SPATA9: variants seen among roughly 807,000 people sequenced by gnomAD.
SPATA9 encodes spermatogenesis-associated protein 9.
A neutral mutation model predicts 25.5 loss-of-function variants in SPATA9; 27 were observed. The ratio of observed to expected loss-of-function variants is 1.06; its 90% CI spans 0.78 to 1.46. The LOEUF is 1.46. SPATA9 is among the 40% of genes most tolerant of loss of function. SPATA9 has a pLI of 0.00. For synonymous variants in SPATA9, 102 were observed against 105.7 expected (o/e 0.97, Z 0.21); for missense variants, 282 against 297.5 (o/e 0.95, Z 0.38).
upstream of SPATA9, among the ~76,000 whole-genome samples, chr5:95,701,729 A>G (rs1412839899): frequency 1.3e-5 from 2 of 152,106 alleles, no homozygotes; most frequent in Admixed American, 1.3e-4. Flanking sequence ...AATCCCTATA[A>G]GTAAGATCAG....
At chr5:95,732,039 T>G in the SPATA9 span, 1 of 1,614,110 alleles carries the variant, frequency 6.2e-7, no homozygotes, top group Non-Finnish European at 8.5e-7. Flanking sequence ...ATCAGGCCAG[T>G]GCGTTTGGGA....
At chr5:95,730,838 A>G in the SPATA9 span, 1 of 452,034 alleles carries the variant, frequency 2.2e-6, no homozygotes. Flanking sequence ...TTTTCTCACA[A>G]GTATGATTTT....
chr5:95,675,368 G>T (rs1395849418), intron 3 of SPATA9, 44 bp downstream of exon 3: 1 of 1,517,694 alleles, frequency 6.6e-7, no homozygotes, highest in Non-Finnish European at 8.9e-7. Context: ...AAATTTAAAA[G>T]TTTCTTAAAA....
chr5:95,668,060 C>G (rs1045753492), intron 3 of SPATA9, among the ~76,000 whole-genome samples: 2 of 152,168 alleles, frequency 1.3e-5, no homozygotes, highest in Non-Finnish European at 2.9e-5. Context: ...GCCTACAGAA[C>G]CATGAGCCAA....
At chr5:95,694,079 G>A (rs964153975) in intron 1 of SPATA9, among the ~76,000 whole-genome samples, 1 of 152,054 alleles carries the variant, frequency 6.6e-6, no homozygotes, top group Non-Finnish European at 1.5e-5. Context: ...AGGAACACTT[G>A]AGCCCAGGAG....
At chr5:95,727,472 A>G in the SPATA9 span, among the ~76,000 whole-genome samples, 1 of 152,212 alleles carries the variant, frequency 6.6e-6, no homozygotes, top group Admixed American at 6.5e-5. Context: ...ACTTTATGCT[A>G]CATCTTATTT....
chr5:95,711,232 G>C, the SPATA9 span, among the ~76,000 whole-genome samples: 1 of 152,148 alleles, frequency 6.6e-6, no homozygotes, highest in South Asian at 2.1e-4. Context: ...TTCTCAAGGA[G>C]GTCTCTAGCT....
chr5:95,690,154 AACCTAC>A (rs1327768933), intron 1 of SPATA9, among the ~76,000 whole-genome samples: 1 of 152,180 alleles, frequency 6.6e-6, no homozygotes, highest in Non-Finnish European at 1.5e-5. Context: ...CTATATAGCA[AACCTAC>A]ACATGAACTG....
At chr5:95,675,323 ATCAAGT>A in intron 3 of SPATA9, 83 bp downstream of exon 3, 1 of 1,076,622 alleles carries the variant, frequency 9.3e-7, no homozygotes, top group Non-Finnish European at 1.3e-6. Context: ...ACACTGGACA[ATCAAGT>A]TCACCACATT....
At chr5:95,652,400 C>T (rs1750395493), downstream of SPATA9, 1 of 1,518,644 alleles carries the variant, frequency 6.6e-7, no homozygotes, top group African/African-American at 1.4e-5. Context: ...CGACTTTAGT[C>T]TCATATATCT....
chr5:95,695,206 G>A (rs922079811), intron 1 of SPATA9, among the ~76,000 whole-genome samples: 1 of 152,102 alleles, frequency 6.6e-6, no homozygotes, highest in East Asian at 1.9e-4. Context: ...ATAAAAGTAA[G>A]GCACATATTA....
At chr5:95,726,802 T>G in the SPATA9 span, among the ~76,000 whole-genome samples, 2 of 152,200 alleles carry the variant, frequency 1.3e-5, no homozygotes, top group Admixed American at 6.5e-5. Flanking sequence ...TGGCAATATA[T>G]TGAAAGTGAA....
At chr5:95,668,308 A>C (rs918070562) in intron 3 of SPATA9, among the ~76,000 whole-genome samples, 2 of 152,214 alleles carry the variant, frequency 1.3e-5, no homozygotes, top group Non-Finnish European at 2.9e-5. Context: ...TAAGGGTCAT[A>C]TTTAAATATT....
In SPATA9 at chr5:95,675,423, A is replaced by G. The variant is rs565088049; in HGVS notation, c.367T>C (p.Tyr123His). The change falls in exon 3 of 5, where the codon TAT (tyrosine) becomes CAT (histidine). Residue 123 changes from tyrosine to histidine, a missense_variant. Physicochemically the swap from Tyr to His is moderately conservative, Grantham distance 83 (BLOSUM62 2). Coordinates refer to ENST00000274432, the MANE Select transcript of SPATA9 (RefSeq NM_031952.4). ...CAGTATTCCCTTACCTGAATGTTAT[A>G]TAGGGGTTGCCTCGGCGCATTAACT... The part of the protein sequence containing the change: ...REVNAPRQPL[Y>H]NIQVRKGSLF... The G allele has an allele frequency of 6.2e-7, 1 of 1,613,832 alleles. No homozygotes were observed. Among genetic ancestry groups the G allele is most frequent in the South Asian group, 1.1e-5 (1 of 91,030 alleles).
intron 1 of SPATA9, among the ~76,000 whole-genome samples, chr5:95,694,052 C>G (rs1753951916): frequency 6.6e-6 from 1 of 151,980 alleles, no homozygotes. Flanking sequence ...CCTAGCTACT[C>G]TGGAGGCTGA....
chr5:95,664,152 A>C, intron 3 of SPATA9, 104 bp from the exon 4 acceptor site: 3 of 580,130 alleles, frequency 5.2e-6, no homozygotes, highest in East Asian at 3.3e-5. Flanking sequence ...TTTTCTAAAG[A>C]AAGTCATCTA....
chr5:95,700,131 T>C (rs1201881536), upstream of SPATA9, among the ~76,000 whole-genome samples: 2 of 152,174 alleles, frequency 1.3e-5, no homozygotes, highest in African/African-American at 4.8e-5. Flanking sequence ...CAGTGTCTCA[T>C]GTTGTAATTA....
intron 3 of SPATA9, among the ~76,000 whole-genome samples, chr5:95,675,122 T>C (rs11956137): frequency 6.6e-6 from 1 of 152,198 alleles, no homozygotes; most frequent in Non-Finnish European, 1.5e-5. Context: ...CAATAATTTT[T>C]AAGGCTAGTT....
Position 95,661,769 on chromosome 5 carries a change from T to A in SPATA9, c.474+2184A>T, listed in dbSNP as rs1406082772. Among the ~76,000 whole-genome samples the A allele has an allele frequency of 2.0e-5, 3 of 152,154 alleles. No homozygotes were observed. In the East Asian group the frequency reaches 5.8e-4, roughly 29 times the overall value. ...CTACCTTTTTTCAAGGATATTTAGCTATTCTTGACCCTATGCACTTCCCTA... is the reference window on the plus strand; with the variant it reads ...CTACCTTTTTTCAAGGATATTTAGCAATTCTTGACCCTATGCACTTCCCTA... On this transcript the variant is annotated intron_variant, in intron 4 of 4. Transcript: ENST00000274432.
Sources: allele counts gnomAD v4.1 joint callset (sites outside exome capture counted in the v4.1 genomes callset), GRCh38; gene constraint gnomAD v4.1.1; transcripts MANE v1.5; gene names NCBI Gene and HGNC (gene_info 2026-07-23, HGNC 2026-07-21).